TRDN: variants seen among roughly 807,000 people sequenced by gnomAD.
TRDN encodes the protein triadin in skeletal muscle.
TRDN carries 161 observed loss-of-function variants against 149.7 expected under a neutral mutation model. The observed-to-expected ratio is 1.08, with a 90% CI of 0.95 to 1.23. The LOEUF is 1.23. Among genes scored for constraint, TRDN ranks in the 50% most tolerant of loss-of-function variants. The pLI, the probability that TRDN is intolerant of heterozygous loss-of-function variation, is 0.00. For missense variants in TRDN, 896 were observed against 823.5 expected (o/e 1.09, Z -1.08); for synonymous variants, 294 against 250.5 (o/e 1.17, Z -1.64).
At chr6:123,596,794 T>C (rs1156454498) in intron 1 of TRDN, among the ~76,000 whole-genome samples, 2 of 152,076 alleles carry the variant, frequency 1.3e-5, no homozygotes, top group Non-Finnish European at 2.9e-5. Context: ...ACTGAATATT[T>C]CGAGCCCAAT....
chr6:123,455,426 GTGTGTGTGTGTGTC>G lies in TRDN; in HGVS notation c.931+9466_931+9479del, dbSNP rs1157431015. Among the ~76,000 whole-genome samples, 5 of 149,476 alleles carry G rather than the reference GTGTGTGTGTGTGTC, an allele frequency of 3.3e-5. No individual in the cohort carries two copies. The East Asian group carries it at 9.7e-4, about 29-fold the overall frequency. On this transcript the variant is annotated intron_variant, in intron 10 of 40. Coordinates refer to ENST00000334268, the MANE Select transcript of TRDN (RefSeq NM_006073.4). The stretch of plus-strand genomic sequence containing the variant: ...AACCACTGTGTGTGTGTGTGTGTGT[GTGTGTGTGTGTGTC>G]TGTGTGTGTTAGAGAAACAAAGAGA...
chr6:123,532,385 C>T (rs1172243314), intron 4 of TRDN, among the ~76,000 whole-genome samples: 4 of 147,474 alleles, frequency 2.7e-5, no homozygotes, highest in Non-Finnish European at 6.0e-5. Context: ...TAATTAAAAT[C>T]ACTAATTAGT....
At chr6:123,313,650 C>T (rs1778914285) in intron 24 of TRDN, among the ~76,000 whole-genome samples, 1 of 151,568 alleles carries the variant, frequency 6.6e-6, no homozygotes. Context: ...GAGCTGTGCC[C>T]CAGAGTACAA....
intron 7 of TRDN, chr6:123,510,094 A>G (rs1213829375): frequency 6.6e-6 from 1 of 152,092 alleles, no homozygotes; most frequent in African/African-American, 2.4e-5. Flanking sequence ...TACAAAATTT[A>G]TTTTCACTTG....
At chr6:123,382,190 A>T in intron 14 of TRDN, 43 bp from the exon 15 acceptor site, 1 of 1,356,654 alleles carries the variant, frequency 7.4e-7, no homozygotes, top group African/African-American at 1.5e-5. Context: ...AGATACAATA[A>T]ATCAACAGCT....
chr6:123,473,108 A>G (rs560724412), intron 9 of TRDN, among the ~76,000 whole-genome samples: 1 of 152,386 alleles, frequency 6.6e-6, no homozygotes, highest in East Asian at 1.9e-4. Flanking sequence ...GACTTTGACA[A>G]GCTGAGAGAA....
intron 33 of TRDN, among the ~76,000 whole-genome samples, chr6:123,261,505 T>A (rs1776771097): frequency 6.6e-6 from 1 of 151,720 alleles, no homozygotes; most frequent in Non-Finnish European, 1.5e-5. Flanking sequence ...CTGGAAAGTT[T>A]TTTTTAAAAA....
intron 12 of TRDN, among the ~76,000 whole-genome samples, chr6:123,419,605 T>C (rs1017314669): frequency 1.8e-4 from 27 of 152,274 alleles, no homozygotes; most frequent in East Asian, 7.8e-4. Flanking sequence ...CTCAAACTCC[T>C]AGTCTCAAGT....
At chr6:123,448,236 G>A (rs547995360) in intron 10 of TRDN, among the ~76,000 whole-genome samples, 1 of 152,268 alleles carries the variant, frequency 6.6e-6, no homozygotes, top group East Asian at 1.9e-4. Flanking sequence ...GAAGCCTCCT[G>A]GCCAGAACTC....
At chr6:123,551,223 T>TATATATATATATATATATATATATA (rs1311778479) in intron 2 of TRDN, among the ~76,000 whole-genome samples, 101 of 137,392 alleles carry the variant, frequency 7.4e-4, no homozygotes, top group Non-Finnish European at 8.8e-4. Flanking sequence ...TATATATATA[T>TATATATATATATATATATATATATA]TGCCTGGTTC....
intron 10 of TRDN, 77 bp from the exon 11 acceptor site, chr6:123,439,080 T>C (rs1264804649): frequency 1.7e-6 from 2 of 1,193,378 alleles, no homozygotes; most frequent in Non-Finnish European, 2.3e-6. Context: ...TGAAGGATTT[T>C]TGTTAAGTCA....
intron 38 of TRDN, among the ~76,000 whole-genome samples, chr6:123,248,706 G>A (rs1347063246): frequency 2.0e-5 from 3 of 152,052 alleles, no homozygotes; most frequent in Non-Finnish European, 4.4e-5. Flanking sequence ...ACCAACTGTA[G>A]CAAAATTTAG....
chr6:123,450,028 C>T lies in TRDN; in HGVS notation c.932-11025G>A, dbSNP rs1260376756. 5.3e-5 allele frequency among the ~76,000 whole-genome samples: 8 copies of T among 152,198 alleles called. No individual in the cohort carries two copies. The East Asian group carries it at 7.7e-4, about 15-fold the overall frequency. ...CAGACAAACAAATACTGAGAGAATTCGCCATTACCAAGCCACCAGTACAAG... is the reference window on the plus strand; with the variant it reads ...CAGACAAACAAATACTGAGAGAATTTGCCATTACCAAGCCACCAGTACAAG... On this transcript the variant is annotated intron_variant, in intron 10 of 40. Coordinates refer to ENST00000334268, the MANE Select transcript of TRDN (RefSeq NM_006073.4).
At chr6:123,344,181 T>A (rs571642079) in intron 21 of TRDN, among the ~76,000 whole-genome samples, 1 of 152,012 alleles carries the variant, frequency 6.6e-6, no homozygotes, top group African/African-American at 2.4e-5. Context: ...CCCAAACTAA[T>A]ACACCCTCTT....
intron 13 of TRDN, among the ~76,000 whole-genome samples, chr6:123,392,239 G>A (rs1388536014): frequency 6.6e-6 from 1 of 151,982 alleles, no homozygotes; most frequent in Middle Eastern, 3.2e-3. Flanking sequence ...AATCTTGAAT[G>A]GTTAAATGTA....
rs771006430 is a variant in TRDN at position 123,548,488 on chromosome 6, T to G, written c.357A>C (p.Glu119Asp). 1.3e-6 allele frequency: 2 copies of G among 1,575,152 alleles called. No homozygotes were observed. The highest frequency in any genetic ancestry group is 2.4e-5 in the South Asian group (2 of 83,766). ...TATCTTCGTCACCATCATCATCTTC[T>G]TCATCTTCAGATGAGATGATGTCAG... ...LLSDIISSED[E>D]EDDDGDEDTD... Residue 119 changes from glutamate to aspartate, a missense_variant, in exon 3 of 41, where the codon GAA (glutamate) becomes GAC (aspartate). Transcript: ENST00000334268.
At chr6:123,271,763 A>G (rs1354897729) in intron 29 of TRDN, among the ~76,000 whole-genome samples, 2 of 152,042 alleles carry the variant, frequency 1.3e-5, no homozygotes, top group Non-Finnish European at 2.9e-5. Flanking sequence ...CAAGCATTTC[A>G]CACTGGGTAT....
chr6:123,415,969 A>G (rs1276220451), intron 12 of TRDN, among the ~76,000 whole-genome samples: 1 of 152,210 alleles, frequency 6.6e-6, no homozygotes, highest in Non-Finnish European at 1.5e-5. Context: ...AAGTTTTAGC[A>G]CTGCTGGGCC....
rs1351157425 is a variant in TRDN, at chr6:123,512,317, T to C, written c.596A>G (p.Lys199Arg). ...TGAAAAGTTACCTTTCGCCAGTGTCTTTGTTTCTGGTTTTTCTTTTTTCTC... is the reference window on the plus strand; with the variant it reads ...TGAAAAGTTACCTTTCGCCAGTGTCCTTGTTTCTGGTTTTTCTTTTTTCTC... Reference protein sequence around the residue: ...KIEKKEKPETKTLAKEQKKAK... With the variant: ...KIEKKEKPETRTLAKEQKKAK... Residue 199 changes from lysine to arginine, a missense_variant, in exon 7 of 41, where the codon AAG becomes AGG. Transcript: ENST00000334268. 6 of 1,501,334 alleles carry C rather than the reference T, an allele frequency of 4.0e-6. No homozygotes were observed. The African/African-American group carries it at 8.2e-5, about 21-fold the overall frequency. The allele number at this position is 1,501,334 out of a possible 1,614,324, so 93.0% of individuals were successfully genotyped here.
Sources: allele counts gnomAD v4.1 joint callset (sites outside exome capture counted in the v4.1 genomes callset), GRCh38; gene constraint gnomAD v4.1.1; transcripts MANE v1.5; gene names NCBI Gene and HGNC (gene_info 2026-07-23, HGNC 2026-07-21).